Variants in DLGAP4 observed in about 807,000 individuals in gnomAD.
DLGAP4 encodes the protein disks large-associated protein 4.
DLGAP4 carries 18 observed loss-of-function variants against 86.9 expected under a neutral mutation model. The ratio of observed to expected loss-of-function variants is 0.21; its 90% confidence interval spans 0.14 to 0.31. The LOEUF (loss-of-function observed/expected upper bound fraction) is 0.31. Among genes scored for constraint, DLGAP4 ranks in the 10% least tolerant of loss-of-function variants. The pLI is 1.00. For synonymous variants in DLGAP4, 548 were observed against 574.3 expected, an observed-to-expected ratio of 0.95 and a Z score of 0.65; for missense variants, 1,085 against 1,362.6, an observed-to-expected ratio of 0.80 and a Z score of 3.21.
chr20:36,449,297 T>C (rs975812940), intron 7 of DLGAP4, among the ~76,000 whole-genome samples: 1 of 152,200 alleles, frequency 6.6e-6, no homozygotes, highest in African/African-American at 2.4e-5. Flanking sequence ...TCAGGCATCT[T>C]GGGTAGAATC....
chr20:36,509,876 G>A (rs544698038), intron 10 of DLGAP4, among the ~76,000 whole-genome samples: 1 of 147,852 alleles, frequency 6.8e-6, no homozygotes, highest in Admixed American at 6.7e-5. Context: ...TTTTTTTTGA[G>A]ACAGAGTTTT....
chr20:36,339,068 G>T (rs951277809), intron 1 of DLGAP4, among the ~76,000 whole-genome samples: 11 of 152,198 alleles, frequency 7.2e-5, no homozygotes, highest in African/African-American at 2.7e-4. Context: ...GAGGGTTTTA[G>T]GCAGAAGGTA....
chr20:36,371,582 C>T (rs1487702223), intron 2 of DLGAP4, among the ~76,000 whole-genome samples: 1 of 152,198 alleles, frequency 6.6e-6, no homozygotes, highest in African/African-American at 2.4e-5. Flanking sequence ...CATGTAACAT[C>T]GTTGCTGTTA....
intron 1 of DLGAP4, among the ~76,000 whole-genome samples, chr20:36,316,965 A>C (rs2065106441): frequency 6.6e-6 from 1 of 152,210 alleles, no homozygotes; most frequent in African/African-American, 2.4e-5. Context: ...AACTGGGAGA[A>C]GCTCAGCTGT....
intron 1 of DLGAP4, among the ~76,000 whole-genome samples, chr20:36,326,393 C>T (rs1600400087): frequency 6.6e-6 from 1 of 151,756 alleles, no homozygotes; most frequent in African/African-American, 2.4e-5. Flanking sequence ...TATTTTAGTG[C>T]TTGCAGTATG....
At chr20:36,443,615 C>T (rs1227275625) in intron 6 of DLGAP4, among the ~76,000 whole-genome samples, 3 of 152,140 alleles carry the variant, frequency 2.0e-5, no homozygotes, top group Admixed American at 1.3e-4. Flanking sequence ...GCCAAGCGAC[C>T]TCTTCCTCAT....
intron 2 of DLGAP4, among the ~76,000 whole-genome samples, chr20:36,427,501 GGGAAGGAAGGAA>G (rs557209124): frequency 1.3e-5 from 2 of 150,240 alleles, no homozygotes; most frequent in Non-Finnish European, 1.5e-5. Context: ...GAGGGAGGGA[GGGAAGGAAGGAA>G]GGAAGGAAGG....
At chr20:36,424,670 G>A (rs753088718) in intron 2 of DLGAP4, among the ~76,000 whole-genome samples, 2 of 152,040 alleles carry the variant, frequency 1.3e-5, no homozygotes, top group Non-Finnish European at 2.9e-5. Flanking sequence ...GACCCCAGAT[G>A]AGAACCAGCC....
chr20:36,469,896 T>C (rs1296468497), intron 7 of DLGAP4, among the ~76,000 whole-genome samples: 2 of 152,124 alleles, frequency 1.3e-5, no homozygotes, highest in Non-Finnish European at 2.9e-5. Flanking sequence ...CCTAAGATCC[T>C]TGTGTGAATT....
chr20:36,462,728 G>A, intron 7 of DLGAP4: 1 of 1,265,850 alleles, frequency 7.9e-7, no homozygotes, highest in Non-Finnish European at 1.1e-6. Context: ...TCCCACAAAG[G>A]GGGAAAGGAG....
At chr20:36,435,819 A>C (rs1318268758) in intron 3 of DLGAP4, among the ~76,000 whole-genome samples, 1 of 152,158 alleles carries the variant, frequency 6.6e-6, no homozygotes, top group Non-Finnish European at 1.5e-5. Flanking sequence ...GGCTAAGTAG[A>C]GATGGCTGCA....
At position 36,499,813 on chromosome 20, in the gene DLGAP4, C is replaced by T; in HGVS notation, c.2099+137C>T. The T allele has an allele frequency of 8.7e-6, 7 of 808,328 alleles. 1 individual carries two copies. The South Asian group carries it at 1.1e-4, about 13-fold the overall frequency. 50.1% of individuals were successfully genotyped at this position (808,328 alleles called of 1,614,324 possible). Reference sequence around the variant, plus strand: ...GCTGGGTTTGGGTTGCGGGTGGTGGCCCAGGCATGGGAGGCTGGGCAGGGG... The same window carrying T: ...GCTGGGTTTGGGTTGCGGGTGGTGGTCCAGGCATGGGAGGCTGGGCAGGGG... On this transcript the variant is annotated intron_variant, in intron 9 of 12. Coordinates refer to ENST00000339266, the MANE Select transcript of DLGAP4 (RefSeq NM_001365621.2).
chr20:36,523,665 A>G (rs972701406), intron 10 of DLGAP4, among the ~76,000 whole-genome samples: 2 of 152,072 alleles, frequency 1.3e-5, no homozygotes, highest in African/African-American at 4.8e-5. Flanking sequence ...TATGAGTCTA[A>G]TCAGATTTTT....
At chr20:36,322,807 T>C (rs1372377316) in intron 1 of DLGAP4, among the ~76,000 whole-genome samples, 1 of 152,206 alleles carries the variant, frequency 6.6e-6, no homozygotes, top group Non-Finnish European at 1.5e-5. Flanking sequence ...TAGAGTGTAC[T>C]AATCTTAAGC....
chr20:36,417,378 T>G (rs1029171856), intron 2 of DLGAP4, among the ~76,000 whole-genome samples: 2 of 151,894 alleles, frequency 1.3e-5, no homozygotes, highest in African/African-American at 2.4e-5. Flanking sequence ...TTTTTGTTTT[T>G]GTTTTTGTTT....
At chr20:36,343,858 T>C (rs2147378155) in intron 1 of DLGAP4, among the ~76,000 whole-genome samples, 1 of 152,368 alleles carries the variant, frequency 6.6e-6, no homozygotes, top group South Asian at 2.1e-4. Flanking sequence ...CCCGAGTGGC[T>C]GCTGGCCCGT....
intron 10 of DLGAP4, among the ~76,000 whole-genome samples, chr20:36,509,075 A>G (rs754761527): frequency 4.6e-5 from 7 of 152,214 alleles, no homozygotes; most frequent in Non-Finnish European, 1.0e-4. Flanking sequence ...TTGGCCATTT[A>G]AACTTCTGTG....
chr20:36,317,463 CTT>C (rs1207752409), intron 1 of DLGAP4, among the ~76,000 whole-genome samples: 1,226 of 120,038 alleles, frequency 0.01, 3 homozygotes, highest in Middle Eastern at 0.02. Flanking sequence ...CCTTCTCTTT[CTT>C]TTTTTTTTTT....
chr20:36,381,865 G>C (rs1156680167), intron 2 of DLGAP4, among the ~76,000 whole-genome samples: 1 of 152,152 alleles, frequency 6.6e-6, no homozygotes, highest in African/African-American at 2.4e-5. Context: ...GCCATGTTAG[G>C]AGAAGAGACA....
Sources: gnomAD v4.1 joint callset for allele counts (sites outside exome capture counted in the v4.1 genomes callset) on GRCh38, gnomAD v4.1.1 for gene constraint, MANE v1.5 for transcripts, NCBI Gene and HGNC (gene_info 2026-07-23, HGNC 2026-07-21) for gene names.